ADAMTS12: variants seen among roughly 807,000 people sequenced by gnomAD.
ADAMTS12 encodes ADAM metallopeptidase with thrombospondin type 1 motif 12, also known as A disintegrin and metalloproteinase with thrombospondin motifs 12.
In ADAMTS12, 118 loss-of-function variants were observed where a neutral mutation model predicts 167.8. The observed-to-expected ratio is 0.70, with a 90% CI of 0.61 to 0.82. ADAMTS12 has a LOEUF of 0.82. Ranked by LOEUF, ADAMTS12 falls within the 40% of genes least tolerant of loss-of-function variation. The pLI, the probability that ADAMTS12 is intolerant of heterozygous loss-of-function variation, is 0.00. For missense variants in ADAMTS12, 1,916 were observed against 1,998.8 expected, an observed-to-expected ratio of 0.96 and a Z score of 0.79; for synonymous variants, 704 against 716.9, an observed-to-expected ratio of 0.98 and a Z score of 0.29.
chr5:33,596,055 G>A lies in ADAMTS12; in HGVS notation c.2533C>T (p.Arg845Cys), dbSNP rs377712954. Reference protein sequence around the residue: ...ECSVTCGTGIRRQTAHCIKKG... With the variant: ...ECSVTCGTGICRQTAHCIKKG... The stretch of plus-strand genomic sequence containing the variant: ...TTTATGCAATGGGCAGTTTGGCGGC[G>A]GATACCTGGGGGTCAGACAGAAAGA... The change falls in exon 17 of 24, where the codon CGC becomes TGC. Residue 845 changes from arginine to cysteine, a missense_variant. By Grantham distance (180) the Arg-to-Cys change is radical (BLOSUM62 -3). Coordinates refer to ENST00000504830, the MANE Select transcript of ADAMTS12 (RefSeq NM_030955.4). 1.5e-5 allele frequency: 25 copies of A among 1,613,770 alleles called. No individual in the cohort carries two copies. The highest frequency in any genetic ancestry group is 9.3e-5 in the African/African-American group (7 of 75,020).
intron 2 of ADAMTS12, among the ~76,000 whole-genome samples, chr5:33,852,365 A>C (rs1749247889): frequency 6.6e-6 from 1 of 152,222 alleles, no homozygotes; most frequent in Non-Finnish European, 1.5e-5. Flanking sequence ...TAAGAGACTG[A>C]AAGTTGTGCA....
At chr5:33,631,474 AT>A (rs5867197) in intron 12 of ADAMTS12, among the ~76,000 whole-genome samples, 1 of 151,726 alleles carries the variant, frequency 6.6e-6, no homozygotes, top group African/African-American at 2.4e-5. Context: ...ATGTAGAAAC[AT>A]TTTTTTTGTT....
chr5:33,625,034 T>C (rs1016285890), intron 13 of ADAMTS12, among the ~76,000 whole-genome samples: 7 of 152,212 alleles, frequency 4.6e-5, no homozygotes, highest in African/African-American at 1.7e-4. Context: ...TTTGCTATTT[T>C]GCTCAGGCCA....
intron 2 of ADAMTS12, among the ~76,000 whole-genome samples, chr5:33,778,406 A>T (rs1745993882): frequency 6.6e-6 from 1 of 152,342 alleles, no homozygotes; most frequent in South Asian, 2.1e-4. Flanking sequence ...AGATGCCAAG[A>T]ATGCATACAA....
At chr5:33,755,621 G>A (rs912953231) in intron 2 of ADAMTS12, among the ~76,000 whole-genome samples, 8 of 152,210 alleles carry the variant, frequency 5.3e-5, no homozygotes, top group African/African-American at 1.9e-4. Context: ...ACAGAGACTA[G>A]AGACCTTGAA....
At chr5:33,715,071 T>C (rs113421312) in intron 3 of ADAMTS12, among the ~76,000 whole-genome samples, 4,041 of 152,198 alleles carry the variant, frequency 0.027, 172 homozygotes, top group African/African-American at 0.092. Flanking sequence ...CTCATAAATA[T>C]GTACAATTAT....
intron 7 of ADAMTS12, among the ~76,000 whole-genome samples, chr5:33,653,000 G>A (rs1340372418): frequency 6.6e-6 from 1 of 152,038 alleles, no homozygotes; most frequent in East Asian, 1.9e-4. Context: ...TTTCCCATAT[G>A]TATGCTTTTT....
chr5:33,675,558 T>A (rs1457948377), intron 5 of ADAMTS12, among the ~76,000 whole-genome samples: 1 of 152,220 alleles, frequency 6.6e-6, no homozygotes, highest in Non-Finnish European at 1.5e-5. Context: ...TTAAAGTTCC[T>A]CGTGCAGACA....
intron 6 of ADAMTS12, among the ~76,000 whole-genome samples, chr5:33,659,495 C>T (rs943070162): frequency 1.3e-5 from 2 of 152,158 alleles, no homozygotes; most frequent in African/African-American, 4.8e-5. Flanking sequence ...ATGAATGGTG[C>T]TCATTGCTGA....
At chr5:33,667,383 C>T (rs1741513411) in intron 5 of ADAMTS12, among the ~76,000 whole-genome samples, 1 of 146,326 alleles carries the variant, frequency 6.8e-6, no homozygotes, top group African/African-American at 2.5e-5. Flanking sequence ...AGTAAATATA[C>T]AACCTCAATA....
At position 33,753,304 on chromosome 5, in the gene ADAMTS12, A is replaced by G. The variant is rs1191140656; in HGVS notation, c.490-1756T>C. 4.6e-5 allele frequency among the ~76,000 whole-genome samples: 7 copies of G among 152,146 alleles called. No individual in the cohort carries two copies. In the South Asian group the frequency reaches 1.0e-3, roughly 23 times the overall value. On this transcript the variant is annotated intron_variant, in intron 2 of 23. Transcript: ENST00000504830. ...TAGAAAACATGACATTTTTTTCAGT[A>G]TCTGTCTCTAAGGACAATCTCTGGA...
intron 22 of ADAMTS12, among the ~76,000 whole-genome samples, chr5:33,542,291 C>T (rs1420120101): frequency 2.0e-5 from 3 of 152,178 alleles, no homozygotes; most frequent in Non-Finnish European, 2.9e-5. Flanking sequence ...AGCTAACTAT[C>T]CTAAATATAC....
chr5:33,754,714 G>A (rs1745111785), intron 2 of ADAMTS12, among the ~76,000 whole-genome samples: 3 of 152,224 alleles, frequency 2.0e-5, no homozygotes, highest in South Asian at 4.2e-4. Flanking sequence ...AAATTAGCCA[G>A]GTGTGGTGGC....
chr5:33,788,089 C>T (rs1746395114), intron 2 of ADAMTS12, among the ~76,000 whole-genome samples: 1 of 152,176 alleles, frequency 6.6e-6, no homozygotes, highest in Non-Finnish European at 1.5e-5. Flanking sequence ...GCCTTGGTCA[C>T]CTGTGAATGT....
chr5:33,883,333 TTTTTTTTTG>T (rs1193041997), intron 1 of ADAMTS12, among the ~76,000 whole-genome samples: 10 of 148,884 alleles, frequency 6.7e-5, no homozygotes, highest in African/African-American at 2.5e-4. Flanking sequence ...TTTTGTTTTT[TTTTTTTTTG>T]TTTTTTTTTT....
chr5:33,594,244 G>A (rs528066787), intron 17 of ADAMTS12, among the ~76,000 whole-genome samples: 1 of 152,228 alleles, frequency 6.6e-6, no homozygotes, highest in South Asian at 2.1e-4. Flanking sequence ...ATTCTCTCTT[G>A]TCTGTAGCCA....
chr5:33,881,685 C>A (rs577993391), intron 1 of ADAMTS12, among the ~76,000 whole-genome samples: 19 of 151,716 alleles, frequency 1.3e-4, no homozygotes, highest in African/African-American at 4.1e-4. Flanking sequence ...GCCTCAGCCT[C>A]CTGAGTATCT....
At chr5:33,719,686 C>G (rs1253009887) in intron 3 of ADAMTS12, among the ~76,000 whole-genome samples, 8 of 152,224 alleles carry the variant, frequency 5.3e-5, no homozygotes, top group African/African-American at 1.9e-4. Context: ...CATAGGACAA[C>G]TCAACTCCTA....
Position 33,751,422 on chromosome 5 carries a change from G to C in ADAMTS12, c.616C>G (p.Pro206Ala), listed in dbSNP as rs373691746. The change falls in exon 3 of 24, where the codon CCA (proline) becomes GCA (alanine). Residue 206 changes from proline to alanine, a missense_variant. Transcript: ENST00000504830. ...RRQKVPETKE[P>A]TCGLKDSVNI... ...ACAATACCCTTTAATCCACAGGTTG[G>C]CTCCTTGGTTTCTGGAACTTTCTGC... 15 of 1,614,112 alleles carry C rather than the reference G, an allele frequency of 9.3e-6. No individual in the cohort carries two copies. In the African/African-American group the frequency reaches 1.7e-4, roughly 19 times the overall value.
Sources: allele counts gnomAD v4.1 joint callset (sites outside exome capture counted in the v4.1 genomes callset), GRCh38; gene constraint gnomAD v4.1.1; transcripts MANE v1.5; gene names NCBI Gene and HGNC (gene_info 2026-07-23, HGNC 2026-07-21).